Variants in NOS1 observed in about 807,000 individuals in gnomAD.
NOS1 encodes the protein nitric oxide synthase 1, also known as NOS type I.
NOS1 carries 51 observed loss-of-function variants against 164.5 expected under a neutral mutation model. The observed-to-expected ratio is 0.31, with a 90% CI of 0.25 to 0.39. NOS1 has a LOEUF of 0.39. Among genes scored for constraint, NOS1 ranks in the 10% least tolerant of loss-of-function variants. The pLI is 1.00. For synonymous variants in NOS1, 719 were observed against 745.8 expected, an observed-to-expected ratio of 0.96 and a Z score of 0.59; for missense variants, 1,362 against 1,885.6, an observed-to-expected ratio of 0.72 and a Z score of 5.14.
At chr12:117,312,438 C>T (rs950250315) in intron 2 of NOS1, among the ~76,000 whole-genome samples, 1 of 151,742 alleles carries the variant, frequency 6.6e-6, no homozygotes, top group Non-Finnish European at 1.5e-5. Flanking sequence ...CGTTTTTTTC[C>T]CCAGCCTTGT....
intron 20 of NOS1, among the ~76,000 whole-genome samples, chr12:117,240,969 T>G (rs1159622937): frequency 1.3e-5 from 2 of 149,876 alleles, no homozygotes; most frequent in African/African-American, 4.9e-5. Context: ...AGACAGAGTC[T>G]CATTCCGTCG....
In NOS1 at chr12:117,212,253, C is replaced by T; in HGVS notation, c.*3056G>A. On this transcript the variant is annotated 3_prime_UTR_variant, in exon 29 of 29. Transcript: ENST00000317775. ...TTCGTGGGCATTGTCTCATTCAATC[C>T]ACCTTGTTATACAGGTGGGTATGCA... The T allele has an allele frequency of 1.0e-6, 1 of 985,324 alleles. No individual in the cohort carries two copies. The highest frequency in any genetic ancestry group is 1.2e-6 in the Non-Finnish European group (1 of 829,914). The allele number at this position is 985,324 out of a possible 1,614,324, so 61.0% of individuals were successfully genotyped here. A position where few individuals can be genotyped will look rare whatever the true frequency, so the allele number is the denominator to read the frequency against.
intron 1 of NOS1, among the ~76,000 whole-genome samples, chr12:117,335,763 A>AGAGAGAGAGAGAGG (rs1566081635): frequency 7.6e-6 from 1 of 131,300 alleles, no homozygotes; most frequent in African/African-American, 2.8e-5. Flanking sequence ...AGAGAGAGAG[A>AGAGAGAGAGAGAGG]GAGAGAGACA....
At chr12:117,358,099 T>TC (rs1876938630) in intron 1 of NOS1, among the ~76,000 whole-genome samples, 2 of 152,186 alleles carry the variant, frequency 1.3e-5, no homozygotes, top group South Asian at 4.1e-4. Flanking sequence ...TGAAGTCTTG[T>TC]CATAAGACAC....
chr12:117,254,456 A>T (rs1411223364), intron 16 of NOS1, among the ~76,000 whole-genome samples: 1 of 152,214 alleles, frequency 6.6e-6, no homozygotes, highest in Non-Finnish European at 1.5e-5. Flanking sequence ...TTTCATTAAA[A>T]TGCAGATTCT....
chr12:117,355,508 G>C (rs768289244), intron 1 of NOS1, among the ~76,000 whole-genome samples: 1 of 151,978 alleles, frequency 6.6e-6, no homozygotes, highest in Non-Finnish European at 1.5e-5. Flanking sequence ...GAATGGTGAG[G>C]CTGGTGACCT....
At chr12:117,252,121 C>T (rs928365077) in intron 17 of NOS1, among the ~76,000 whole-genome samples, 4 of 152,264 alleles carry the variant, frequency 2.6e-5, no homozygotes, top group South Asian at 2.1e-4. Context: ...TACGTAGGTA[C>T]TTACAAAACA....
intron 17 of NOS1, among the ~76,000 whole-genome samples, chr12:117,250,327 C>CTTTTTT (rs556629285): frequency 7.7e-6 from 1 of 130,170 alleles, no homozygotes; most frequent in African/African-American, 2.9e-5. Flanking sequence ...TTGCCATTTA[C>CTTTTTT]TTTTTTTTTT....
At chr12:117,314,083 A>G (rs1183854868) in intron 2 of NOS1, among the ~76,000 whole-genome samples, 1 of 152,166 alleles carries the variant, frequency 6.6e-6, no homozygotes, top group Non-Finnish European at 1.5e-5. Context: ...GCTCCCTCTG[A>G]GCCACCCAGA....
In NOS1 at chr12:117,212,395, C is replaced by T. The variant is rs113116092; in HGVS notation, c.*2914G>A. 7 of 985,204 alleles carry T rather than the reference C, an allele frequency of 7.1e-6. No homozygotes were observed. Among genetic ancestry groups the T allele is most frequent in the African/African-American group, 5.2e-5 (3 of 57,208 alleles). 61.0% of individuals were successfully genotyped at this position (985,204 alleles called of 1,614,324 possible). On this transcript the variant is annotated 3_prime_UTR_variant, in exon 29 of 29. Coordinates refer to ENST00000317775, the MANE Select transcript of NOS1 (RefSeq NM_000620.5). ...TATTGATGGGTCTGAAGTGTCCCCC[C>T]GCAAAAGAAAGACACCTGGCTGTCT...
chr12:117,302,345 A>T lies in NOS1; in HGVS notation c.852+9121T>A, dbSNP rs373142598. Among the ~76,000 whole-genome samples the T allele has an allele frequency of 9.8e-4, 150 of 152,312 alleles. 6 individuals are homozygous for T. The South Asian group carries it at 0.029, about 30-fold the overall frequency. ...CGCGGTGGCTCACGCCTGTAATCCC[A>T]GCACTTTGGGAGGCCGAGGCGGGCG... is the stretch of plus-strand genomic sequence containing the variant. On this transcript the variant is annotated intron_variant, in intron 3 of 28. Coordinates refer to ENST00000317775, the MANE Select transcript of NOS1 (RefSeq NM_000620.5).
intron 2 of NOS1, among the ~76,000 whole-genome samples, chr12:117,324,406 C>T (rs955182510): frequency 6.6e-6 from 1 of 152,098 alleles, no homozygotes; most frequent in Non-Finnish European, 1.5e-5. Context: ...GCTGAGTAAC[C>T]TGGATATTCT....
At chr12:117,219,731 G>A (rs1956670893) in intron 27 of NOS1, among the ~76,000 whole-genome samples, 1 of 152,204 alleles carries the variant, frequency 6.6e-6, no homozygotes. Flanking sequence ...TCTTTGTGCA[G>A]TGCCCAACCT....
chr12:117,299,703 T>G (rs2136040393), intron 3 of NOS1, among the ~76,000 whole-genome samples: 1 of 145,560 alleles, frequency 6.9e-6, no homozygotes, highest in Middle Eastern at 3.6e-3. Flanking sequence ...TCTCTCTCTC[T>G]TCTGTAATTC....
intron 23 of NOS1, among the ~76,000 whole-genome samples, chr12:117,227,162 T>C (rs1171997239): frequency 2.0e-5 from 3 of 151,790 alleles, no homozygotes; most frequent in African/African-American, 4.8e-5. Flanking sequence ...AGGGAGTGAG[T>C]AGTGGTGGCT....
At chr12:117,345,939 A>G (rs1876329592) in intron 1 of NOS1, among the ~76,000 whole-genome samples, 2 of 152,272 alleles carry the variant, frequency 1.3e-5, no homozygotes, top group Non-Finnish European at 2.9e-5. Context: ...TCAGGGTCTC[A>G]ATCTCTAAGT....
intron 3 of NOS1, among the ~76,000 whole-genome samples, chr12:117,293,881 G>C (rs1240152531): frequency 6.6e-6 from 1 of 151,976 alleles, no homozygotes. Context: ...GTTTCCCTAG[G>C]AAGTTGGATA....
chr12:117,224,959 G>C, intron 25 of NOS1, 57 bp downstream of exon 25: 1 of 1,610,194 alleles, frequency 6.2e-7, no homozygotes, highest in Non-Finnish European at 8.5e-7. Context: ...CTGAGACACA[G>C]CTGGACCTCC....
Position 117,253,718 on chromosome 12 carries a change from G to A in NOS1, c.2568C>T (p.Tyr856=), listed in dbSNP as rs1382469400. ...CGCCTGATGATTTTTGGGAGTCAGA[G>A]TAGGAGGAGACGCTGTTGAATCGGA... ...YKVRFNSVSS[Y]SDSQKSSGDG... is the part of the protein sequence containing the mutation. The change falls in exon 17 of 29, where the codon TAC becomes TAT. Residue 856 remains tyrosine, a synonymous_variant. Coordinates refer to ENST00000317775, the MANE Select transcript of NOS1 (RefSeq NM_000620.5). 2 of 1,613,962 alleles carry A rather than the reference G, an allele frequency of 1.2e-6. No individual in the cohort carries two copies. Among genetic ancestry groups the A allele is most frequent in the African/African-American group, 2.7e-5 (2 of 74,904 alleles).
Sources: allele counts gnomAD v4.1 joint callset (sites outside exome capture counted in the v4.1 genomes callset), GRCh38; gene constraint gnomAD v4.1.1; transcripts MANE v1.5; gene names NCBI Gene and HGNC (gene_info 2026-07-23, HGNC 2026-07-21).